The following ZNF462 variants were observed in gnomAD, a reference collection of about 807,000 sequenced individuals.
ZNF462 encodes zinc finger protein 462.
A neutral mutation model predicts 201.9 loss-of-function variants in ZNF462; 10 were observed. The ratio of observed to expected loss-of-function variants is 0.05; its 90% confidence interval spans 0.03 to 0.08. The LOEUF is 0.08. Among genes scored for constraint, ZNF462 ranks in the 10% least tolerant of loss-of-function variants. ZNF462 has a pLI of 1.00. For synonymous variants in ZNF462, 1,227 were observed against 1,193.3 expected (o/e 1.03, Z -0.58); for missense variants, 2,523 against 3,168.3 (o/e 0.80, Z 4.89).
At position 106,926,689 on chromosome 9, in the gene ZNF462, G is replaced by A. The variant is rs1398150356; in HGVS notation, c.2777G>A (p.Arg926Gln). The part of the protein sequence containing the change: ...LNFDHSDLIY[R>Q]CRFCSYTSPN... ...TTTGATCACTCGGACCTGATCTACC[G>A]GTGTCGGTTTTGTTCATACACGAGC... Residue 926 changes from arginine (R) to glutamine (Q), a missense_variant, in exon 3 of 13, where the codon CGG (arginine) becomes CAG (glutamine). By Grantham distance (43) the Arg-to-Gln change is conservative. Around this residue, in one of 15 missense-constraint regions of ZNF462, gnomAD observed 280 missense variants for 321.3 expected, o/e 0.87. Transcript: ENST00000277225. The surrounding 1 kb of genome is among the most constrained non-coding windows in gnomAD (Gnocchi z 7.9). The A allele has an allele frequency of 1.6e-5, 26 of 1,613,896 alleles. No homozygotes were observed. The highest frequency in any genetic ancestry group is 1.6e-4 in the Middle Eastern group (1 of 6,084).
intron 7 of ZNF462, among the ~76,000 whole-genome samples, chr9:106,971,579 T>TA (rs565277908): frequency 0.2 from 26,470 of 130,806 alleles, 3,177 homozygotes; most frequent in African/African-American, 0.37. Flanking sequence ...TCATCCCTCT[T>TA]AAAAAAAAAA....
intron 1 of ZNF462, among the ~76,000 whole-genome samples, chr9:106,912,882 G>A (rs139290833): frequency 6.6e-6 from 1 of 152,234 alleles, no homozygotes; most frequent in Non-Finnish European, 1.5e-5. Flanking sequence ...GTTTCTACCT[G>A]ATTTTGTTAC....
rs201379876 is a variant in ZNF462, at chr9:106,923,600, T to C, written c.217T>C (p.Ser73Pro). The C allele has an allele frequency of 3.1e-6, 5 of 1,613,670 alleles. No individual in the cohort carries two copies. Among genetic ancestry groups the C allele is most frequent in the South Asian group, 1.1e-5 (1 of 91,080 alleles). Reference protein sequence around the residue: ...KDEFAIAEDLSGQNATSLGTG... With the variant: ...KDEFAIAEDLPGQNATSLGTG... ...TGAATTTGCCATTGCAGAAGATTTA[T>C]CAGGTAAATCTATACTAAACTTGGC... Residue 73 changes from serine to proline, a missense_variant, in exon 2 of 13, where the codon TCA (serine) becomes CCA (proline). Transcript: ENST00000277225. This position sits in a 1 kb window ranked among gnomAD's most constrained non-coding sequence, Gnocchi z 5.6.
In ZNF462 at chr9:107,009,961, T is replaced by G. The variant is rs145491021; in HGVS notation, c.7313+293T>G. The stretch of plus-strand genomic sequence containing the variant: ...TCTCCAGCCAATATCCCTTTAGTCT[T>G]CATTAGCGTGACATTCTATAATAGA... On this transcript the variant is annotated intron_variant, in intron 12 of 12. Coordinates refer to ENST00000277225, the MANE Select transcript of ZNF462 (RefSeq NM_021224.6). This position sits in a 1 kb window ranked among gnomAD's most constrained non-coding sequence, Gnocchi z 6.1. Among the ~76,000 whole-genome samples the G allele has an allele frequency of 6.6e-6, 1 of 152,148 alleles. No individual in the cohort carries two copies. Among genetic ancestry groups the G allele is most frequent in the Non-Finnish European group, 1.5e-5 (1 of 68,020 alleles).
chr9:106,972,303 C>A lies in ZNF462; in HGVS notation c.6695+31C>A, dbSNP rs758368785. 1.3e-6 allele frequency: 2 copies of A among 1,595,844 alleles called. No individual in the cohort carries two copies. The highest frequency in any genetic ancestry group is 1.3e-5 in the African/African-American group (1 of 74,482). Reference sequence around the variant, plus strand: ...TGACGTAATGAACAGCTATGGAAAACAAGGCGGCCGCCCCTGCTCCACCCC... The same window carrying A: ...TGACGTAATGAACAGCTATGGAAAAAAAGGCGGCCGCCCCTGCTCCACCCC... On this transcript the variant is annotated intron_variant, in intron 8 of 12. Coordinates refer to ENST00000277225, the MANE Select transcript of ZNF462 (RefSeq NM_021224.6). This position sits in a 1 kb window ranked among gnomAD's most constrained non-coding sequence, Gnocchi z 4.8.
At chr9:106,899,351 A>G (rs1368702362) in intron 1 of ZNF462, among the ~76,000 whole-genome samples, 4 of 152,062 alleles carry the variant, frequency 2.6e-5, no homozygotes, top group Non-Finnish European at 4.4e-5. Flanking sequence ...AAAATGCAGA[A>G]AGGATAACTA....
Position 106,928,659 on chromosome 9 carries a change from C to G in ZNF462, c.4747C>G (p.Pro1583Ala). ...TGGCGCCTACCGGTGCAAACTGTGTCCGTACACACACGGCACTTTGGAGAA... is the reference window on the plus strand; with the variant it reads ...TGGCGCCTACCGGTGCAAACTGTGTGCGTACACACACGGCACTTTGGAGAA... ...GYGAYRCKLC[P>A]YTHGTLEKLK... Residue 1583 changes from proline to alanine, a missense_variant, in exon 3 of 13, where the codon CCG becomes GCG. Pro to Ala is a conservative substitution (Grantham distance 27). Around this residue, in one of 15 missense-constraint regions of ZNF462, gnomAD observed 200 missense variants for 281.3 expected, o/e 0.71. Transcript: ENST00000277225. This position sits in a 1 kb window ranked among gnomAD's most constrained non-coding sequence, Gnocchi z 9.3. The G allele has an allele frequency of 3.1e-6, 5 of 1,614,142 alleles. No homozygotes were observed. Among genetic ancestry groups the G allele is most frequent in the Non-Finnish European group, 4.2e-6 (5 of 1,180,036 alleles).
intron 9 of ZNF462, chr9:106,979,599 A>G (rs1335877232): frequency 6.6e-6 from 1 of 151,472 alleles, no homozygotes; most frequent in Non-Finnish European, 1.5e-5. Context: ...TTTAAGCTGT[A>G]GGGATACAGC....
At position 106,872,162 on chromosome 9, in the gene ZNF462, CTGA is replaced by C. The variant is rs1827620981; in HGVS notation, c.-31+8810_-31+8812del. Among the ~76,000 whole-genome samples the C allele has an allele frequency of 6.6e-6, 1 of 152,130 alleles. No homozygotes were observed. Among genetic ancestry groups the C allele is most frequent in the African/African-American group, 2.4e-5 (1 of 41,416 alleles). On this transcript the variant is annotated intron_variant, in intron 1 of 12. Transcript: ENST00000277225. The surrounding 1 kb of genome is among the most constrained non-coding windows in gnomAD (Gnocchi z 4.5). ...TCATTCAACCCAGATTGCCATGGGC[CTGA>C]TGGAGGGTCCTTCGTTTGGGGTACA...
chr9:106,862,804 C>T (rs1827112488), upstream of ZNF462, among the ~76,000 whole-genome samples: 2 of 152,308 alleles, frequency 1.3e-5, no homozygotes, highest in Admixed American at 6.5e-5. This position sits in a 1 kb window ranked among gnomAD's most constrained non-coding sequence, Gnocchi z 4.2. Flanking sequence ...ATAATTCTTC[C>T]TCTTTTTTCC....
chr9:106,948,962 T>C (rs2131741266), intron 7 of ZNF462, among the ~76,000 whole-genome samples: 1 of 152,286 alleles, frequency 6.6e-6, no homozygotes, highest in East Asian at 1.9e-4. Flanking sequence ...TAAGGCTCAC[T>C]CACCTCCTCA....
At position 106,876,554 on chromosome 9, in the gene ZNF462, A is replaced by T. The variant is rs1272137717; in HGVS notation, c.-31+13199A>T. Among the ~76,000 whole-genome samples, 6 of 152,182 alleles carry T rather than the reference A, an allele frequency of 3.9e-5. No homozygotes were observed. The highest frequency in any genetic ancestry group is 6.5e-5 in the Admixed American group (1 of 15,274). On this transcript the variant is annotated intron_variant, in intron 1 of 12. Transcript: ENST00000277225. This position sits in a 1 kb window ranked among gnomAD's most constrained non-coding sequence, Gnocchi z 4.9. The stretch of plus-strand genomic sequence containing the variant: ...TACATCTTCAACTGATGTTCTGTGG[A>T]TGAAGCAGCACTCTGTATTGCTGTG...
rs1049939151 is a variant in ZNF462 at position 106,963,948 on chromosome 9, C to T, written c.6428-8057C>T. ...AAGTGGCATCGTGCAGTATTTGTCC[C>T]TCTGTGACTGGCTTTAGCATATAAC... On this transcript the variant is annotated intron_variant, in intron 7 of 12. Coordinates refer to ENST00000277225, the MANE Select transcript of ZNF462 (RefSeq NM_021224.6). This position sits in a 1 kb window ranked among gnomAD's most constrained non-coding sequence, Gnocchi z 4.7. Among the ~76,000 whole-genome samples the T allele has an allele frequency of 2.0e-5, 3 of 151,900 alleles. No homozygotes were observed. Among genetic ancestry groups the T allele is most frequent in the African/African-American group, 7.3e-5 (3 of 41,356 alleles).
rs555504673 is a variant in ZNF462, at chr9:107,009,713, T to G, written c.7313+45T>G. The G allele has an allele frequency of 1.2e-6, 2 of 1,600,022 alleles. No individual in the cohort carries two copies. The highest frequency in any genetic ancestry group is 2.2e-5 in the East Asian group (1 of 44,480). On this transcript the variant is annotated intron_variant, in intron 12 of 12. Coordinates refer to ENST00000277225, the MANE Select transcript of ZNF462 (RefSeq NM_021224.6). The surrounding 1 kb of genome is among the most constrained non-coding windows in gnomAD (Gnocchi z 6.1). Reference sequence around the variant, plus strand: ...GGATGCCTTTGTCCAAAGCAAGAGGTAGGGAGGGAGGGAGGGGCTCTTGTT... The same window carrying G: ...GGATGCCTTTGTCCAAAGCAAGAGGGAGGGAGGGAGGGAGGGGCTCTTGTT...
chr9:106,910,946 T>A (rs1452960682), intron 1 of ZNF462, among the ~76,000 whole-genome samples: 1 of 152,216 alleles, frequency 6.6e-6, no homozygotes, highest in Non-Finnish European at 1.5e-5. Flanking sequence ...TAAGATTTTA[T>A]TTATCACGAA....
At chr9:106,986,578 A>G (rs1827848655) in intron 10 of ZNF462, among the ~76,000 whole-genome samples, 1 of 152,056 alleles carries the variant, frequency 6.6e-6, no homozygotes. Context: ...ATATTACAAA[A>G]CCACTAATTA....
intron 10 of ZNF462, among the ~76,000 whole-genome samples, chr9:106,992,904 G>A (rs902539788): frequency 5.9e-5 from 9 of 152,040 alleles, no homozygotes; most frequent in Non-Finnish European, 1.3e-4. Flanking sequence ...TTCAATAAAT[G>A]TTAATTTCCT....
At chr9:106,899,510 G>A (rs1484426974) in intron 1 of ZNF462, among the ~76,000 whole-genome samples, 1 of 152,112 alleles carries the variant, frequency 6.6e-6, no homozygotes, top group Non-Finnish European at 1.5e-5. Flanking sequence ...ATGAGGAAGG[G>A]AAACCCTGAG....
Position 106,974,504 on chromosome 9 carries a change from G to T in ZNF462, c.6832+231G>T, listed in dbSNP as rs1826850161. 5.0e-6 allele frequency: 3 copies of T among 600,912 alleles called. No individual in the cohort carries two copies. In the East Asian group the frequency reaches 9.1e-5, roughly 18 times the overall value. The allele number at this position is 600,912 out of a possible 1,614,324, so 37.2% of individuals were successfully genotyped here. On this transcript the variant is annotated intron_variant, in intron 9 of 12. Coordinates refer to ENST00000277225, the MANE Select transcript of ZNF462 (RefSeq NM_021224.6). This position sits in a 1 kb window ranked among gnomAD's most constrained non-coding sequence, Gnocchi z 4.0. ...AGGCAAAGGTGATGGATTCTGCAGT[G>T]AACATTTCCGTAGGGCTTCCCAGCA...
Sources: allele counts gnomAD v4.1 joint callset (sites outside exome capture counted in the v4.1 genomes callset), GRCh38; gene constraint gnomAD v4.1.1; regional missense constraint gnomAD v4.1.1; non-coding constraint Gnocchi (gnomAD v3.1); transcripts MANE v1.5; gene names NCBI Gene and HGNC (gene_info 2026-07-23, HGNC 2026-07-21).